The following RAP1GAP2 variants were observed in gnomAD, a reference collection of about 807,000 sequenced individuals.
RAP1GAP2 encodes RAP1 GTPase activating protein 2.
A neutral mutation model predicts 95.0 loss-of-function variants in RAP1GAP2; 27 were observed. That is an observed-to-expected ratio of 0.28 (90% CI 0.21 to 0.39). The LOEUF is 0.39. RAP1GAP2 is among the 10% of genes least tolerant of loss of function. RAP1GAP2 has a pLI of 1.00. For synonymous variants in RAP1GAP2, 373 were observed against 380.9 expected (o/e 0.98, Z 0.24); for missense variants, 771 against 970.0 (o/e 0.79, Z 2.72).
At chr17:2,998,502 G>A (rs1357511363) in intron 14 of RAP1GAP2, 126 bp downstream of exon 14, 1 of 1,219,262 alleles carries the variant, frequency 8.2e-7, no homozygotes, top group African/African-American at 1.5e-5. Context: ...AGGTTTCTGG[G>A]GTTTGGAGCT....
At chr17:2,814,850 G>A (rs899128065) in intron 2 of RAP1GAP2, among the ~76,000 whole-genome samples, 1 of 152,126 alleles carries the variant, frequency 6.6e-6, no homozygotes, top group Non-Finnish European at 1.5e-5. Context: ...GGGGTGTTGG[G>A]GGGGAGGGTT....
chr17:2,969,338 T>G (rs929594905), intron 8 of RAP1GAP2, among the ~76,000 whole-genome samples: 18 of 151,752 alleles, frequency 1.2e-4, no homozygotes, highest in African/African-American at 4.1e-4. Flanking sequence ...ATTTTGGATC[T>G]TTAAAACAAA....
At chr17:2,976,397 A>C (rs7405739) in intron 8 of RAP1GAP2, among the ~76,000 whole-genome samples, 3 of 152,240 alleles carry the variant, frequency 2.0e-5, no homozygotes, top group Admixed American at 2.0e-4. Flanking sequence ...ATCAACAATT[A>C]AAATACTGGA....
chr17:3,008,107 G>C lies in RAP1GAP2; in HGVS notation c.1456G>C (p.Glu486Gln), dbSNP rs1005692064. 1 of 1,613,908 alleles carries C rather than the reference G, an allele frequency of 6.2e-7. No homozygotes were observed. Among genetic ancestry groups the C allele is most frequent in the Non-Finnish European group, 8.5e-7 (1 of 1,179,892 alleles). The part of the protein sequence containing the change: ...LGLGPEEDKF[E>Q]NGGHGGFLES... ...ACTGGGCCCAGAGGAGGACAAGTTT[G>C]AGAATGGAGGCCACGGGGGGTTCCT... Residue 486 changes from glutamate (E) to glutamine (Q), a missense_variant, in exon 17 of 25, where the codon GAG (glutamate) becomes CAG (glutamine). Transcript: ENST00000254695. The surrounding 1 kb of genome is among the most constrained non-coding windows in gnomAD (Gnocchi z 4.2).
At chr17:2,851,175 A>G (rs1432333224) in intron 2 of RAP1GAP2, among the ~76,000 whole-genome samples, 2 of 152,148 alleles carry the variant, frequency 1.3e-5, no homozygotes, top group African/African-American at 4.8e-5. Flanking sequence ...GTGTGGCCCA[A>G]TTGTGGGAAG....
intron 2 of RAP1GAP2, among the ~76,000 whole-genome samples, chr17:2,820,903 T>TGTTTTTGTTTTTTG (rs1374388350): frequency 6.9e-6 from 1 of 145,868 alleles, no homozygotes; most frequent in Admixed American, 7.0e-5. Flanking sequence ...TTTTTTTTTT[T>TGTTTTTGTTTTTTG]TTTTTTGTAT....
rs572747607 is a variant in RAP1GAP2, at chr17:2,823,852, G to A, written c.80+23302G>A. Among the ~76,000 whole-genome samples, 20 of 152,306 alleles carry A rather than the reference G, an allele frequency of 1.3e-4. No homozygotes were observed. In the East Asian group the frequency reaches 3.7e-3, roughly 28 times the overall value. On this transcript the variant is annotated intron_variant, in intron 2 of 24. Transcript: ENST00000254695. ...AGAAACAGCACATGGGGCCGGGCAC[G>A]GCGGCTCACACCTGTCATCCCAGCA...
chr17:2,874,185 A>G (rs936613488), intron 2 of RAP1GAP2, among the ~76,000 whole-genome samples: 1 of 152,216 alleles, frequency 6.6e-6, no homozygotes, highest in African/African-American at 2.4e-5. Flanking sequence ...TATTCTGCAG[A>G]TTAAATAAGA....
At chr17:2,872,213 C>CAAAAAAAAA (rs562587177) in intron 2 of RAP1GAP2, among the ~76,000 whole-genome samples, 975 of 75,302 alleles carry the variant, frequency 0.013, 59 homozygotes, top group Non-Finnish European at 0.018. Flanking sequence ...GCCTCTGTCT[C>CAAAAAAAAA]AAAAAAAAAA....
intron 3 of RAP1GAP2, among the ~76,000 whole-genome samples, chr17:2,931,121 CAAAAAAAAAAAA>C (rs67067799): frequency 3.0e-5 from 2 of 67,162 alleles, no homozygotes; most frequent in Non-Finnish European, 5.8e-5. Context: ...GACTCCATCT[CAAAAAAAAAAAA>C]AAAAAAAAAA....
chr17:2,801,708 C>G (rs961085873), intron 2 of RAP1GAP2, among the ~76,000 whole-genome samples: 1 of 151,224 alleles, frequency 6.6e-6, no homozygotes. Context: ...CAGCCTGGCC[C>G]TGGGGCTTTC....
chr17:2,936,102 T>G (rs2151421773), intron 3 of RAP1GAP2, among the ~76,000 whole-genome samples: 1 of 146,452 alleles, frequency 6.8e-6, no homozygotes, highest in African/African-American at 2.5e-5. Context: ...CAGTTTTGCC[T>G]CTTTTTTTTT....
chr17:2,851,985 A>G (rs2071870136), intron 2 of RAP1GAP2, among the ~76,000 whole-genome samples: 1 of 152,142 alleles, frequency 6.6e-6, no homozygotes, highest in African/African-American at 2.4e-5. Context: ...AATACACCCA[A>G]CGCTAGGATA....
intron 3 of RAP1GAP2, among the ~76,000 whole-genome samples, chr17:2,951,187 C>G (rs1352695437): frequency 1.3e-5 from 2 of 152,224 alleles, no homozygotes; most frequent in African/African-American, 4.8e-5. Context: ...CCAGAGGCCT[C>G]CAGCCAGCCG....
chr17:2,803,492 A>G (rs2069385234), intron 2 of RAP1GAP2, among the ~76,000 whole-genome samples: 2 of 152,362 alleles, frequency 1.3e-5, no homozygotes, highest in South Asian at 4.1e-4. Flanking sequence ...TTCTTTGCAG[A>G]CATGGATAAG....
intron 3 of RAP1GAP2, among the ~76,000 whole-genome samples, chr17:2,933,124 G>A (rs561264325): frequency 1.3e-5 from 2 of 152,344 alleles, no homozygotes; most frequent in South Asian, 2.1e-4. Context: ...AGGAGAGGGC[G>A]GGAAGAGAGA....
intron 3 of RAP1GAP2, among the ~76,000 whole-genome samples, chr17:2,927,781 A>G (rs1406648805): frequency 6.6e-6 from 1 of 152,162 alleles, no homozygotes; most frequent in Non-Finnish European, 1.5e-5. Flanking sequence ...TGCTTCCTAG[A>G]GGAAACGCTA....
chr17:2,988,522 T>G (rs1180772764), intron 11 of RAP1GAP2, among the ~76,000 whole-genome samples: 1 of 152,246 alleles, frequency 6.6e-6, no homozygotes, highest in Admixed American at 6.5e-5. Flanking sequence ...GCAAGATTAA[T>G]CCAAGTTCTT....
intron 1 of RAP1GAP2, among the ~76,000 whole-genome samples, chr17:2,788,836 G>A (rs968509600): frequency 6.6e-6 from 1 of 152,060 alleles, no homozygotes; most frequent in Non-Finnish European, 1.5e-5. Context: ...GGTTGATGCC[G>A]GCCCACATTG....
Sources: gnomAD v4.1 joint callset for allele counts (sites outside exome capture counted in the v4.1 genomes callset) on GRCh38, gnomAD v4.1.1 for gene constraint, Gnocchi (gnomAD v3.1) non-coding constraint, MANE v1.5 for transcripts, NCBI Gene and HGNC (gene_info 2026-07-23, HGNC 2026-07-21) for gene names.